Variants in RAPGEF1 observed in about 807,000 individuals in gnomAD.
RAPGEF1 encodes Rap guanine nucleotide exchange factor 1.
In RAPGEF1, 33 loss-of-function variants were observed where a neutral mutation model predicts 143.3. The observed-to-expected ratio is 0.23, with a 90% CI of 0.17 to 0.31. The LOEUF (loss-of-function observed/expected upper bound fraction) is 0.31. Among genes scored for constraint, RAPGEF1 ranks in the 10% least tolerant of loss-of-function variants. The pLI is 1.00. For missense variants in RAPGEF1, 1,199 were observed against 1,645.4 expected (o/e 0.73, Z 4.69); for synonymous variants, 629 against 676.5 (o/e 0.93, Z 1.09).
chr9:131,669,355 G>A (rs1451303053), intron 1 of RAPGEF1, among the ~76,000 whole-genome samples: 1 of 152,200 alleles, frequency 6.6e-6, no homozygotes, highest in Non-Finnish European at 1.5e-5. Flanking sequence ...GGCAGAGAAA[G>A]AAGACAGTGA....
At chr9:131,734,187 T>C (rs1353936056) in intron 1 of RAPGEF1, among the ~76,000 whole-genome samples, 2 of 152,136 alleles carry the variant, frequency 1.3e-5, no homozygotes, top group Admixed American at 6.5e-5. Flanking sequence ...AGGGAGGCTC[T>C]AACCAGTGCT....
At chr9:131,736,371 C>A (rs931470282) in intron 1 of RAPGEF1, among the ~76,000 whole-genome samples, 17 of 152,172 alleles carry the variant, frequency 1.1e-4, no homozygotes, top group Non-Finnish European at 2.1e-4. Context: ...CTTGACAGGC[C>A]CCCACCAGCC....
intron 1 of RAPGEF1, among the ~76,000 whole-genome samples, chr9:131,677,860 C>A (rs1187182298): frequency 6.6e-6 from 1 of 152,140 alleles, no homozygotes; most frequent in Non-Finnish European, 1.5e-5. Context: ...TGCATCAATC[C>A]CACAAAGATT....
rs566808339 is a variant in RAPGEF1 at position 131,706,087 on chromosome 9, T to C, written c.61+33683A>G. ...CAGGGGCCGCCTGGTCTGTCCCAAC[T>C]GTCTGTAGCAAATCCACATAACGAT... is the stretch of plus-strand genomic sequence containing the variant. On this transcript the variant is annotated intron_variant, in intron 1 of 26. Transcript: ENST00000683357. 3.9e-5 allele frequency among the ~76,000 whole-genome samples: 6 copies of C among 152,312 alleles called. No homozygotes were observed. In the South Asian group the frequency reaches 1.2e-3, roughly 32 times the overall value.
At chr9:131,639,303 G>A (rs1967067078) in intron 4 of RAPGEF1, among the ~76,000 whole-genome samples, 1 of 152,222 alleles carries the variant, frequency 6.6e-6, no homozygotes, top group South Asian at 2.1e-4. Context: ...CACGGGGCCA[G>A]CTTCATCATC....
At chr9:131,658,540 G>A (rs1214570432) in intron 1 of RAPGEF1, among the ~76,000 whole-genome samples, 1 of 152,178 alleles carries the variant, frequency 6.6e-6, no homozygotes, top group Non-Finnish European at 1.5e-5. Context: ...TGGCTTATAT[G>A]AGCTTACAAA....
At chr9:131,585,362 A>AGGG (rs36097571) in intron 22 of RAPGEF1, among the ~76,000 whole-genome samples, 1 of 146,258 alleles carries the variant, frequency 6.8e-6, no homozygotes, top group African/African-American at 2.7e-5. Context: ...AATTTTTTGT[A>AGGG]GGGGGGGGGC....
At chr9:131,682,031 G>T (rs948306212) in intron 1 of RAPGEF1, among the ~76,000 whole-genome samples, 1 of 152,204 alleles carries the variant, frequency 6.6e-6, no homozygotes, top group Non-Finnish European at 1.5e-5. Context: ...ATCAAGGCCT[G>T]TAATGGTATC....
intron 1 of RAPGEF1, among the ~76,000 whole-genome samples, chr9:131,711,860 G>C (rs1247527045): frequency 2.0e-5 from 3 of 152,206 alleles, no homozygotes; most frequent in Non-Finnish European, 2.9e-5. Flanking sequence ...CCAAGTTTAA[G>C]AGGCACTTAA....
chr9:131,592,650 A>G (rs1332187481), intron 17 of RAPGEF1, among the ~76,000 whole-genome samples: 1 of 152,298 alleles, frequency 6.6e-6, no homozygotes, highest in African/African-American at 2.4e-5. Context: ...TATGCTTCAG[A>G]GGGTCTCAGC....
chr9:131,682,822 A>G (rs1008077844), intron 1 of RAPGEF1, among the ~76,000 whole-genome samples: 1 of 152,246 alleles, frequency 6.6e-6, no homozygotes, highest in Non-Finnish European at 1.5e-5. Context: ...TTTGGTAGAT[A>G]CAGGAGTGGA....
intron 1 of RAPGEF1, among the ~76,000 whole-genome samples, chr9:131,714,329 ATT>A (rs112187233): frequency 2.1e-5 from 3 of 142,886 alleles, no homozygotes; most frequent in Non-Finnish European, 3.1e-5. Context: ...CTTGAAGGAG[ATT>A]TTTTTTTTTT....
rs1311186027 is a variant in RAPGEF1 at position 131,614,142 on chromosome 9, C to CT, written c.2061+4908_2061+4909insA. 2.0e-5 allele frequency among the ~76,000 whole-genome samples: 3 copies of CT among 149,350 alleles called. No homozygotes were observed. In the East Asian group the frequency reaches 5.8e-4, roughly 29 times the overall value. The stretch of plus-strand genomic sequence containing the variant: ...GTCAGACCAGTGTGTGCACCAACAC[C>CT]CCCCCCCAAGGAGGGGCTGCCTTGA... On this transcript the variant is annotated intron_variant, in intron 12 of 26. Coordinates refer to ENST00000683357, the MANE Select transcript of RAPGEF1 (RefSeq NM_001377935.1).
At chr9:131,724,581 C>T (rs1414918409) in intron 1 of RAPGEF1, among the ~76,000 whole-genome samples, 1 of 151,968 alleles carries the variant, frequency 6.6e-6, no homozygotes, top group East Asian at 1.9e-4. Context: ...GGCGACTGAG[C>T]GAGATTCCGG....
chr9:131,697,969 G>C (rs774966847), intron 1 of RAPGEF1, among the ~76,000 whole-genome samples: 4 of 152,172 alleles, frequency 2.6e-5, no homozygotes, highest in African/African-American at 9.7e-5. Flanking sequence ...AAAGTGGGGC[G>C]TGAAGGGGAA....
chr9:131,699,091 A>T (rs1247123757), intron 1 of RAPGEF1, among the ~76,000 whole-genome samples: 1 of 151,830 alleles, frequency 6.6e-6, no homozygotes, highest in Admixed American at 6.6e-5. Flanking sequence ...TTATGAAAAA[A>T]CTTTCCCTTG....
At chr9:131,586,216 A>ACG (rs747255208) in intron 22 of RAPGEF1, among the ~76,000 whole-genome samples, 1 of 147,002 alleles carries the variant, frequency 6.8e-6, no homozygotes, top group Non-Finnish European at 1.5e-5. Context: ...ACACGCACGC[A>ACG]CACACACACA....
In RAPGEF1 at chr9:131,605,544, A is replaced by G. The variant is rs558812355; in HGVS notation, c.2062-356T>C. On this transcript the variant is annotated intron_variant, in intron 12 of 26. Coordinates refer to ENST00000683357, the MANE Select transcript of RAPGEF1 (RefSeq NM_001377935.1). ...CTCAGGAACTTCGTGGCCAAATTCA[A>G]TGTCATTGTAATTACTCATTTTGAA... 3.3e-4 allele frequency among the ~76,000 whole-genome samples: 51 copies of G among 152,322 alleles called. 1 individual carries two copies. Among genetic ancestry groups the G allele is most frequent in the African/African-American group, 1.2e-3 (48 of 41,560 alleles).
chr9:131,607,674 T>C (rs529300051), intron 12 of RAPGEF1, among the ~76,000 whole-genome samples: 1 of 152,276 alleles, frequency 6.6e-6, no homozygotes, highest in East Asian at 1.9e-4. Flanking sequence ...CAGATGTTCA[T>C]TCCCAATGCC....
Sources: gnomAD v4.1 joint callset for allele counts (sites outside exome capture counted in the v4.1 genomes callset) on GRCh38, gnomAD v4.1.1 for gene constraint, MANE v1.5 for transcripts, NCBI Gene and HGNC (gene_info 2026-07-23, HGNC 2026-07-21) for gene names.